AFP: variants seen among roughly 807,000 people sequenced by gnomAD.
AFP encodes the protein alpha fetoprotein.
Under a neutral mutation model 78.9 loss-of-function variants are expected in AFP, and 64 were observed. The observed-to-expected ratio is 0.81, with a 90% CI of 0.66 to 1.00. The LOEUF (loss-of-function observed/expected upper bound fraction) is 1.00. Ranked by LOEUF, AFP falls within the 50% of genes least tolerant of loss-of-function variation. The probability of loss-of-function intolerance (pLI) is 0.00; values close to 1 mark genes in which losing one functional copy is unlikely to be tolerated. For synonymous variants in AFP, 254 were observed against 243.8 expected (o/e 1.04, Z -0.39); for missense variants, 689 against 703.8 (o/e 0.98, Z 0.24).
intron 6 of AFP, among the ~76,000 whole-genome samples, chr4:73,444,552 C>T (rs1719764017): frequency 6.6e-6 from 1 of 152,046 alleles, no homozygotes; most frequent in Non-Finnish European, 1.5e-5. Flanking sequence ...CTTTCTTGTC[C>T]CATTTCATTG....
chr4:73,437,286 C>T (rs1345654594), intron 2 of AFP, 75 bp downstream of exon 2: 4 of 1,217,682 alleles, frequency 3.3e-6, no homozygotes, highest in Non-Finnish European at 4.8e-6. Flanking sequence ...AAATTGGGTA[C>T]CCCTGTGAGC....
intron 7 of AFP, among the ~76,000 whole-genome samples, chr4:73,446,966 T>C (rs1225981155): frequency 1.3e-5 from 2 of 152,160 alleles, no homozygotes; most frequent in African/African-American, 4.8e-5. Context: ...TTCTTTTTAA[T>C]TGATAGGTCA....
intron 5 of AFP, among the ~76,000 whole-genome samples, chr4:73,443,134 T>C (rs1001923892): frequency 9.2e-5 from 14 of 152,188 alleles, no homozygotes; most frequent in Non-Finnish European, 1.6e-4. Flanking sequence ...GTACTTTGAG[T>C]AAATTTGTCT....
intron 1 of AFP, among the ~76,000 whole-genome samples, chr4:73,436,634 A>T (rs1560390743): frequency 6.6e-6 from 1 of 151,568 alleles, no homozygotes; most frequent in African/African-American, 2.4e-5. Context: ...ATATATACAC[A>T]TATATGTACA....
Position 73,437,166 on chromosome 4 carries a change from T to C in AFP, c.92T>C (p.Ile31Thr), listed in dbSNP as rs1249663541. The C allele has an allele frequency of 1.9e-6, 3 of 1,610,914 alleles. No individual in the cohort carries two copies. Among genetic ancestry groups the C allele is most frequent in the African/African-American group, 1.3e-5 (1 of 74,838 alleles). The stretch of plus-strand genomic sequence containing the variant: ...AGTTTATTTTGCTTTCCAGCTTCCA[T>C]ATTGGATTCTTACCAATGTACTGCA... ...LHRNEYGIAS[I>T]LDSYQCTAEI... The change falls in exon 2 of 15, where the codon ATA (isoleucine) becomes ACA (threonine). Residue 31 changes from isoleucine to threonine, a missense_variant. Ile to Thr is a moderately conservative substitution (Grantham distance 89, BLOSUM62 -1). Coordinates refer to ENST00000395792, the MANE Select transcript of AFP (RefSeq NM_001134.3).
intron 11 of AFP, 30 bp from the exon 12 acceptor site, chr4:73,452,371 C>A: frequency 6.3e-7 from 1 of 1,597,670 alleles, no homozygotes; most frequent in Non-Finnish European, 8.6e-7. Flanking sequence ...GCCCAATCTC[C>A]TTACTTTTTT....
At chr4:73,450,579 A>T in intron 10 of AFP, 36 bp from the exon 11 acceptor site, 3 of 1,613,956 alleles carry the variant, frequency 1.9e-6, no homozygotes, top group Non-Finnish European at 1.7e-6. Flanking sequence ...CTCATGAATG[A>T]CTCAGCAGGA....
chr4:73,441,540 C>T lies in AFP; in HGVS notation c.482+727C>T, dbSNP rs547270873. ...CCGAGATTGCGCCACTGCACTCCCGCCGGGGCCACAGAGCGAGACTCCGTC... is the reference window on the plus strand; with the variant it reads ...CCGAGATTGCGCCACTGCACTCCCGTCGGGGCCACAGAGCGAGACTCCGTC... On this transcript the variant is annotated intron_variant, in intron 4 of 14. Transcript: ENST00000395792. Among the ~76,000 whole-genome samples the T allele has an allele frequency of 4.1e-3, 502 of 121,330 alleles. 2 individuals carry two copies. Among genetic ancestry groups the T allele is most frequent in the African/African-American group, 0.015 (482 of 31,148 alleles). 79.6% of individuals were successfully genotyped at this position (121,330 alleles called of 152,430 possible).
At chr4:73,442,145 T>A in intron 4 of AFP, 151 bp from the exon 5 acceptor site, 5 of 830,112 alleles carry the variant, frequency 6.0e-6, no homozygotes, top group Non-Finnish European at 9.3e-6. Flanking sequence ...ATATGATGAT[T>A]TTCCCCTTAG....
chr4:73,447,382 T>C (rs184134940), intron 7 of AFP, 80 bp from the exon 8 acceptor site: 3 of 1,109,422 alleles, frequency 2.7e-6, no homozygotes, highest in Admixed American at 2.6e-5. Context: ...TCCCCTTTCT[T>C]CCTTTTTCTA....
intron 3 of AFP, 77 bp downstream of exon 3, chr4:73,438,383 C>A: frequency 1.3e-6 from 2 of 1,490,610 alleles, no homozygotes; most frequent in Non-Finnish European, 1.8e-6. Flanking sequence ...ACAAAAATAG[C>A]AGTGAAAAAT....
chr4:73,449,629 T>A (rs937762506), intron 9 of AFP, among the ~76,000 whole-genome samples, 162 bp downstream of exon 9: 4 of 152,230 alleles, frequency 2.6e-5, no homozygotes, highest in African/African-American at 9.6e-5. Flanking sequence ...CAGCAGCTAG[T>A]GGCTTGCTTT....
intron 3 of AFP, among the ~76,000 whole-genome samples, chr4:73,439,680 C>A (rs959758561): frequency 1.3e-5 from 2 of 152,124 alleles, no homozygotes. Context: ...TCCTCAGATG[C>A]TTTCTGTGGA....
At position 73,442,338 on chromosome 4, in the gene AFP, A is replaced by C. The variant is rs369195112; in HGVS notation, c.525A>C (p.Ala175=). Residue 175 remains alanine, a synonymous_variant, in exon 5 of 15, where the codon GCA becomes GCC. Transcript: ENST00000395792. ...CAAGAAGGCATCCCTTCCTGTATGC[A>C]CCTACAATTCTTCTTTGGGCTGCTC... ...EIARRHPFLY[A]PTILLWAARY... is the part of the protein sequence containing the mutation. The C allele has an allele frequency of 9.0e-5, 145 of 1,613,842 alleles. No homozygotes were observed. Among genetic ancestry groups the C allele is most frequent in the Non-Finnish European group, 6.0e-5 (71 of 1,179,878 alleles).
chr4:73,438,345 C>CA (rs1719570497), intron 3 of AFP, 39 bp downstream of exon 3: 8 of 1,581,618 alleles, frequency 5.1e-6, no homozygotes, highest in Non-Finnish European at 6.9e-6. Flanking sequence ...TGATATTTGA[C>CA]AAAAATTTAG....
chr4:73,443,425 A>G lies in AFP; in HGVS notation c.694A>G (p.Thr232Ala). The G allele has an allele frequency of 6.2e-7, 1 of 1,611,902 alleles. No homozygotes were observed. The change falls in exon 6 of 15, where the codon ACC becomes GCC. Residue 232 changes from threonine to alanine, a missense_variant. Transcript: ENST00000395792. ...ATGTGCAGTAATGAAAAATTTTGGG[A>G]CCCGAACTTTCCAAGCCATGTAAGT... ...HACAVMKNFG[T>A]RTFQAITVTK...
chr4:73,437,172 A>C lies in AFP; in HGVS notation c.98A>C (p.Asp33Ala), dbSNP rs866802984. 3 of 1,611,412 alleles carry C rather than the reference A, an allele frequency of 1.9e-6. No homozygotes were observed. In the Middle Eastern group the frequency reaches 5.0e-4, roughly 268 times the overall value. The change falls in exon 2 of 15, where the codon GAT becomes GCT. Residue 33 changes from aspartate (D) to alanine (A), a missense_variant. Coordinates refer to ENST00000395792, the MANE Select transcript of AFP (RefSeq NM_001134.3). ...TTTTGCTTTCCAGCTTCCATATTGG[A>C]TTCTTACCAATGTACTGCAGAGATA... ...RNEYGIASILDSYQCTAEISL... is the reference protein window; with the variant it reads ...RNEYGIASILASYQCTAEISL...
chr4:73,447,352 T>A, intron 7 of AFP, 110 bp from the exon 8 acceptor site: 1 of 735,802 alleles, frequency 1.4e-6, no homozygotes, highest in Non-Finnish European at 2.2e-6. Context: ...TCCTTCTTTC[T>A]TTGTTCCCTT....
In AFP at chr4:73,447,439, ATACTT is replaced by A. The variant is rs1358926212; in HGVS notation, c.844-20_844-16del. On this transcript the variant is annotated intron_variant, in intron 7 of 14. Transcript: ENST00000395792. ...ATTAAAGAATAAATCTTTAAAACTT[ATACTT>A]TATTTTCTCTGTTGCAGGAAAAAAT... is the stretch of plus-strand genomic sequence containing the variant. 6.5e-7 allele frequency: 1 copy of A among 1,540,816 alleles called. No individual in the cohort carries two copies. Among genetic ancestry groups the A allele is most frequent in the Non-Finnish European group, 8.9e-7 (1 of 1,124,588 alleles).
Sources: gnomAD v4.1 joint callset for allele counts (sites outside exome capture counted in the v4.1 genomes callset) on GRCh38, gnomAD v4.1.1 for gene constraint, MANE v1.5 for transcripts, NCBI Gene and HGNC (gene_info 2026-07-23, HGNC 2026-07-21) for gene names.